WNK2: variants seen among roughly 807,000 people sequenced by gnomAD.
The protein encoded by WNK2 is serine/threonine-protein kinase WNK2.
WNK2 carries 67 observed loss-of-function variants against 192.1 expected under a neutral mutation model. The observed-to-expected ratio is 0.35, with a 90% CI of 0.29 to 0.43. The LOEUF (loss-of-function observed/expected upper bound fraction) is 0.43, where lower values mean the gene tolerates loss of function less well. WNK2 is among the 20% of genes least tolerant of loss of function. The pLI is 1.00. For missense variants in WNK2, 2,698 were observed against 3,089.7 expected (o/e 0.87, Z 3.01); for synonymous variants, 1,439 against 1,393.9 (o/e 1.03, Z -0.72).
chr9:93,304,674 A>G (rs1170806628), intron 26 of WNK2, among the ~76,000 whole-genome samples: 1 of 152,192 alleles, frequency 6.6e-6, no homozygotes, highest in African/African-American at 2.4e-5. Context: ...TGCCATCTGC[A>G]TGGTGGGCAA....
intron 2 of WNK2, among the ~76,000 whole-genome samples, chr9:93,214,338 C>T (rs1220845631): frequency 6.6e-6 from 1 of 151,974 alleles, no homozygotes; most frequent in African/African-American, 2.4e-5. Flanking sequence ...GAGTCTTGCT[C>T]TGTGGCCCAG....
In WNK2 at chr9:93,270,797, A is replaced by G. The variant is rs547198359; in HGVS notation, c.4033+2051A>G. 6.6e-5 allele frequency among the ~76,000 whole-genome samples: 10 copies of G among 152,322 alleles called. 1 individual carries two copies. In the East Asian group the frequency reaches 1.7e-3, roughly 26 times the overall value. ...GGAGCAGCAGGTAACAGGAACATGCAGGAGCCAAAACAGTGAGAGCAGAGA... is the reference window on the plus strand; with the variant it reads ...GGAGCAGCAGGTAACAGGAACATGCGGGAGCCAAAACAGTGAGAGCAGAGA... On this transcript the variant is annotated intron_variant, in intron 19 of 29. Transcript: ENST00000427277.
intron 9 of WNK2, 56 bp from the exon 10 acceptor site, chr9:93,256,243 G>T: frequency 1.4e-6 from 2 of 1,435,714 alleles, no homozygotes; most frequent in Non-Finnish European, 1.8e-6. Flanking sequence ...CCCTGCCCAG[G>T]AGGGGGCCTG....
At chr9:93,189,691 G>T (rs1388552212) in intron 2 of WNK2, among the ~76,000 whole-genome samples, 1 of 152,218 alleles carries the variant, frequency 6.6e-6, no homozygotes, top group African/African-American at 2.4e-5. Context: ...TGGCAGCCCC[G>T]CCAGTGCCAG....
In WNK2 at chr9:93,268,005, C is replaced by T. The variant is rs1036783573; in HGVS notation, c.3868-15C>T. ...CAGCTCAGTGGGCTCATTTCTGACC[C>T]TCCACCTCATTCAGGAGAGCCGACA... On this transcript the variant is annotated splice_polypyrimidine_tract_variant and intron_variant, in intron 17 of 29. Coordinates refer to ENST00000427277, the MANE Select transcript of WNK2 (RefSeq NM_006648.4). The T allele has an allele frequency of 5.0e-6, 8 of 1,610,694 alleles. No homozygotes were observed. Among genetic ancestry groups the T allele is most frequent in the Non-Finnish European group, 6.8e-6 (8 of 1,178,700 alleles).
At chr9:93,209,182 C>T (rs1834021930) in intron 2 of WNK2, among the ~76,000 whole-genome samples, 2 of 152,146 alleles carry the variant, frequency 1.3e-5, no homozygotes, top group South Asian at 2.1e-4. Flanking sequence ...GCCAGCTCCA[C>T]CCCAGGTAGG....
At position 93,320,457 on chromosome 9, in the gene WNK2, A is replaced by G. The variant is rs1855313635; in HGVS notation, c.*65A>G. On this transcript the variant is annotated 3_prime_UTR_variant, in exon 30 of 30. Transcript: ENST00000427277. ...GGAGAAGTGACGGACCCTCAGGGCC[A>G]GCTGCTCCTCCTGTCCAGTTCACGC... The G allele has an allele frequency of 7.4e-7, 1 of 1,359,706 alleles. No homozygotes were observed. The highest frequency in any genetic ancestry group is 9.9e-7 in the Non-Finnish European group (1 of 1,015,032). 84.2% of individuals were successfully genotyped at this position (1,359,706 alleles called of 1,614,324 possible).
At chr9:93,201,279 C>G (rs148812617) in intron 2 of WNK2, among the ~76,000 whole-genome samples, 1 of 152,246 alleles carries the variant, frequency 6.6e-6, no homozygotes, top group Non-Finnish European at 1.5e-5. Context: ...TGGGCTGAGA[C>G]TGTTCCGAGC....
chr9:93,199,521 G>A (rs759013679), intron 2 of WNK2, among the ~76,000 whole-genome samples: 28 of 152,282 alleles, frequency 1.8e-4, no homozygotes, highest in Non-Finnish European at 3.7e-4. Flanking sequence ...ACATCTGCCC[G>A]GACAGGTCTC....
rs139437274 is a variant in WNK2, at chr9:93,268,753, G to T, written c.4033+7G>T. 2.6e-4 allele frequency: 412 copies of T among 1,609,836 alleles called. 8 individuals carry two copies. In the East Asian group the frequency reaches 9.1e-3, roughly 36 times the overall value. Reference sequence around the variant, plus strand: ...CCGCCAGAAGCCAGCCAAGGTATGAGCAGCAGGCGCCCACACAAGCCCCTC... The same window carrying T: ...CCGCCAGAAGCCAGCCAAGGTATGATCAGCAGGCGCCCACACAAGCCCCTC... On this transcript the variant is annotated splice_region_variant and intron_variant, in intron 19 of 29. Coordinates refer to ENST00000427277, the MANE Select transcript of WNK2 (RefSeq NM_006648.4).
rs768589799 is a variant in WNK2 at position 93,253,005 on chromosome 9, A to G, written c.1957A>G (p.Ser653Gly). The change falls in exon 9 of 30, where the codon AGC becomes GGC. Residue 653 changes from serine to glycine, a missense_variant. Ser to Gly is a moderately conservative substitution (Grantham distance 56). Around this residue, in one of 7 missense-constraint regions of WNK2, gnomAD observed 893 missense variants for 909.0 expected, o/e 0.98. Coordinates refer to ENST00000427277, the MANE Select transcript of WNK2 (RefSeq NM_006648.4). Reference sequence around the variant, plus strand: ...GCCGTCCCCGGCCCAGTGTGTGTGCAGCCCCCCTGTGAGCGAGGGGCCCGT... The same window carrying G: ...GCCGTCCCCGGCCCAGTGTGTGTGCGGCCCCCCTGTGAGCGAGGGGCCCGT... ...AAPSPAQCVCSPPVSEGPVLP... is the reference protein window; with the variant it reads ...AAPSPAQCVCGPPVSEGPVLP... 4 of 1,559,960 alleles carry G rather than the reference A, an allele frequency of 2.6e-6. No individual in the cohort carries two copies. The highest frequency in any genetic ancestry group is 1.2e-5 in the South Asian group (1 of 84,342).
At chr9:93,230,268 G>T (rs537178345) in intron 3 of WNK2, among the ~76,000 whole-genome samples, 74 of 152,240 alleles carry the variant, frequency 4.9e-4, no homozygotes, top group African/African-American at 1.7e-3. Context: ...CTGTACTGTG[G>T]GGATGAGGTG....
intron 2 of WNK2, among the ~76,000 whole-genome samples, chr9:93,199,202 G>A (rs370970811): frequency 9.2e-5 from 14 of 152,322 alleles, no homozygotes; most frequent in African/African-American, 3.1e-4. Context: ...GAAGATGACC[G>A]ATGCCTGGGG....
At position 93,192,437 on chromosome 9, in the gene WNK2, GC is replaced by G. The variant is rs572194807; in HGVS notation, c.681+6829del. On this transcript the variant is annotated intron_variant, in intron 2 of 29. Transcript: ENST00000427277. ...AAATGTGGATTTAGGGGAAGGGCAG[GC>G]CTTGGCTTGGGACATGCTTAATCTG... Among the ~76,000 whole-genome samples the G allele has an allele frequency of 7.0e-4, 107 of 152,328 alleles. 1 individual carries two copies. Among genetic ancestry groups the G allele is most frequent in the African/African-American group, 2.1e-3 (88 of 41,576 alleles).
At position 93,317,641 on chromosome 9, in the gene WNK2, T is replaced by A; in HGVS notation, c.6628+10T>A. ...TCCGTGCCCACACCAGGTACTGCCC[T>A]CTCCAACCTCCCAACCCCACCCTGT... On this transcript the variant is annotated intron_variant, in intron 29 of 29. Transcript: ENST00000427277. 6.2e-7 allele frequency: 1 copy of A among 1,611,232 alleles called. No individual in the cohort carries two copies. Among genetic ancestry groups the A allele is most frequent in the Admixed American group, 1.7e-5 (1 of 59,858 alleles).
intron 2 of WNK2, among the ~76,000 whole-genome samples, chr9:93,203,570 T>C (rs1216691745): frequency 6.6e-6 from 1 of 152,144 alleles, no homozygotes; most frequent in Non-Finnish European, 1.5e-5. Flanking sequence ...CTGCAGTCTG[T>C]GGACGTGCCA....
At chr9:93,288,654 C>A (rs960827889) in intron 19 of WNK2, 134 bp from the exon 20 acceptor site, 1 of 911,694 alleles carries the variant, frequency 1.1e-6, no homozygotes, top group South Asian at 1.8e-5. Flanking sequence ...AGGAGCCTGG[C>A]GTGTCGGGAA....
intron 16 of WNK2, among the ~76,000 whole-genome samples, chr9:93,265,492 C>T (rs1320274028): frequency 2.0e-5 from 3 of 152,210 alleles, no homozygotes; most frequent in Non-Finnish European, 4.4e-5. Context: ...GCGTGAGCTG[C>T]GCTTTGGTCA....
In WNK2 at chr9:93,206,486, A is replaced by T. The variant is rs114766538; in HGVS notation, c.681+20876A>T. Among the ~76,000 whole-genome samples, 318 of 151,850 alleles carry T rather than the reference A, an allele frequency of 2.1e-3. 1 individual carries two copies. Among genetic ancestry groups the T allele is most frequent in the African/African-American group, 7.4e-3 (305 of 41,402 alleles). On this transcript the variant is annotated intron_variant, in intron 2 of 29. Coordinates refer to ENST00000427277, the MANE Select transcript of WNK2 (RefSeq NM_006648.4). ...AGAAGCACGTGGCTTGCCCCACCTTAGCCCTGGATGCACCGGGGAGTTCTG... is the reference window on the plus strand; with the variant it reads ...AGAAGCACGTGGCTTGCCCCACCTTTGCCCTGGATGCACCGGGGAGTTCTG...
Sources: allele counts gnomAD v4.1 joint callset (sites outside exome capture counted in the v4.1 genomes callset), GRCh38; gene constraint gnomAD v4.1.1; regional missense constraint gnomAD v4.1.1; transcripts MANE v1.5; gene names NCBI Gene and HGNC (gene_info 2026-07-23, HGNC 2026-07-21).